Variants in NR3C2 observed in about 807,000 individuals in gnomAD.
The protein encoded by NR3C2 is nuclear receptor subfamily 3 group C member 2.
NR3C2 carries 15 observed loss-of-function variants against 86.4 expected under a neutral mutation model. That is an observed-to-expected ratio of 0.17 (90% confidence interval 0.12 to 0.27). NR3C2 has a LOEUF of 0.27. NR3C2 is among the 10% of genes least tolerant of loss of function. The probability of loss-of-function intolerance (pLI) is 1.00; values close to 1 mark genes in which losing one functional copy is unlikely to be tolerated. For synonymous variants in NR3C2, 458 were observed against 450.5 expected, an observed-to-expected ratio of 1.02 and a Z score of -0.21; for missense variants, 960 against 1,195.6, an observed-to-expected ratio of 0.80 and a Z score of 2.91.
intron 2 of NR3C2, among the ~76,000 whole-genome samples, chr4:148,355,182 T>C (rs1745490940): frequency 6.6e-6 from 1 of 152,152 alleles, no homozygotes; most frequent in African/African-American, 2.4e-5. Context: ...CAGAATGATA[T>C]CTACTTATAC....
chr4:148,309,534 A>G (rs1232032015), intron 2 of NR3C2, among the ~76,000 whole-genome samples: 2 of 152,008 alleles, frequency 1.3e-5, no homozygotes, highest in East Asian at 1.9e-4. Flanking sequence ...ACACACATGC[A>G]CATGGATAAA....
At chr4:148,154,991 T>C (rs532302635) in intron 4 of NR3C2, 90 bp from the exon 5 acceptor site, 5 of 1,021,368 alleles carry the variant, frequency 4.9e-6, no homozygotes, top group Admixed American at 2.0e-5. Flanking sequence ...TTCCTCTAAA[T>C]AGATCTTGTT....
chr4:148,434,055 A>T (rs1163228009), intron 2 of NR3C2, among the ~76,000 whole-genome samples: 1 of 152,228 alleles, frequency 6.6e-6, no homozygotes, highest in Non-Finnish European at 1.5e-5. Flanking sequence ...AGAAAGCCAC[A>T]GCAATACATG....
rs1445319087 is a variant in NR3C2 at position 148,330,732 on chromosome 4, T to C, written c.1758-70615A>G. On this transcript the variant is annotated intron_variant, in intron 2 of 8. Coordinates refer to ENST00000358102, the MANE Select transcript of NR3C2 (RefSeq NM_000901.5). ...TATCTGTCCCCTCCAAATCTTGTGT[T>C]GAAATGTAATCCCCAGTGCTGGAGT... 3.9e-5 allele frequency among the ~76,000 whole-genome samples: 6 copies of C among 152,308 alleles called. No individual in the cohort carries two copies. In the East Asian group the frequency reaches 1.2e-3, roughly 29 times the overall value.
intron 2 of NR3C2, among the ~76,000 whole-genome samples, chr4:148,323,674 C>G (rs563865240): frequency 2.0e-5 from 3 of 152,102 alleles, no homozygotes; most frequent in African/African-American, 4.8e-5. Context: ...TTCTTTGACT[C>G]GGAAAGGGAA....
chr4:148,425,334 A>C (rs1212964965), intron 2 of NR3C2, among the ~76,000 whole-genome samples: 1 of 152,232 alleles, frequency 6.6e-6, no homozygotes, highest in Non-Finnish European at 1.5e-5. Context: ...AAGTAAAGAA[A>C]GATCATTCTG....
At chr4:148,390,691 G>T (rs1251762580) in intron 2 of NR3C2, among the ~76,000 whole-genome samples, 2 of 152,144 alleles carry the variant, frequency 1.3e-5, no homozygotes, top group Non-Finnish European at 2.9e-5. Context: ...CGGTTGATTT[G>T]TTGCATAAAA....
At chr4:148,141,017 G>A (rs1005799865) in intron 6 of NR3C2, among the ~76,000 whole-genome samples, 1 of 152,134 alleles carries the variant, frequency 6.6e-6, no homozygotes, top group African/African-American at 2.4e-5. Flanking sequence ...TTTTCATTAA[G>A]CTTACATGTT....
intron 2 of NR3C2, among the ~76,000 whole-genome samples, chr4:148,337,670 C>T (rs1744559889): frequency 6.6e-6 from 1 of 152,104 alleles, no homozygotes; most frequent in South Asian, 2.1e-4. Flanking sequence ...GTTTGGCTAT[C>T]TTTTAACAAC....
At chr4:148,431,977 T>TAA (rs1749819874) in intron 2 of NR3C2, among the ~76,000 whole-genome samples, 1 of 152,042 alleles carries the variant, frequency 6.6e-6, no homozygotes, top group Non-Finnish European at 1.5e-5. Flanking sequence ...AAATTAAAAC[T>TAA]AAAATTAAAT....
upstream of NR3C2, chr4:148,444,016 CAGGA>C: frequency 1.0e-6 from 1 of 985,406 alleles, no homozygotes; most frequent in Non-Finnish European, 1.2e-6. Flanking sequence ...TCCCCGCAGC[CAGGA>C]GTCCCCGCCG....
chr4:148,341,802 G>A (rs761731203), intron 2 of NR3C2, among the ~76,000 whole-genome samples: 3 of 151,998 alleles, frequency 2.0e-5, no homozygotes, highest in Non-Finnish European at 4.4e-5. Flanking sequence ...TAAACACCTT[G>A]CATTATATAC....
In NR3C2 at chr4:148,123,249, G is replaced by A. The variant is rs901498108; in HGVS notation, c.2511-2961C>T. 5.3e-5 allele frequency among the ~76,000 whole-genome samples: 8 copies of A among 152,234 alleles called. No homozygotes were observed. In the South Asian group the frequency reaches 1.0e-3, roughly 20 times the overall value. On this transcript the variant is annotated intron_variant, in intron 6 of 8. Coordinates refer to ENST00000358102, the MANE Select transcript of NR3C2 (RefSeq NM_000901.5). ...GCCCTGGTAAATTTGTGGTCAAACC[G>A]GTTCTCTGCTCTCAAACCTTGTTTT...
chr4:148,236,664 G>A (rs1980278), intron 3 of NR3C2, among the ~76,000 whole-genome samples: 140,127 of 152,180 alleles, frequency 0.92, 65,612 homozygotes, highest in East Asian at 1. Flanking sequence ...TTGGGAAATT[G>A]TATCTAGCTG....
intron 3 of NR3C2, among the ~76,000 whole-genome samples, chr4:148,232,239 G>T (rs1421642151): frequency 3.9e-5 from 6 of 152,214 alleles, no homozygotes; most frequent in Non-Finnish European, 7.3e-5. Flanking sequence ...ATGCACGGCA[G>T]TGATTGCCTT....
At chr4:148,366,482 AGCACT>A (rs1746149371) in intron 2 of NR3C2, among the ~76,000 whole-genome samples, 2 of 5,016 alleles carry the variant, frequency 4.0e-4, no homozygotes, top group African/African-American at 8.7e-4. Flanking sequence ...AAAAGTACTC[AGCACT>A]TTTAAAAAAG....
At chr4:148,110,624 C>T (rs1360571112) in intron 8 of NR3C2, among the ~76,000 whole-genome samples, 1 of 152,094 alleles carries the variant, frequency 6.6e-6, no homozygotes, top group African/African-American at 2.4e-5. Context: ...TTTCAATGCT[C>T]TGTTTGGAAT....
At chr4:148,420,198 C>T (rs190771468) in intron 2 of NR3C2, among the ~76,000 whole-genome samples, 107 of 152,228 alleles carry the variant, frequency 7.0e-4, no homozygotes, top group Non-Finnish European at 1.2e-3. Flanking sequence ...CCCAGAGTGA[C>T]GCTGGCCAGA....
chr4:148,113,817 G>A (rs1732150638), intron 8 of NR3C2, among the ~76,000 whole-genome samples: 1 of 152,172 alleles, frequency 6.6e-6, no homozygotes, highest in South Asian at 2.1e-4. Context: ...GTTACATGGA[G>A]GTTGCTAGGC....
Sources: gnomAD v4.1 joint callset for allele counts (sites outside exome capture counted in the v4.1 genomes callset) on GRCh38, gnomAD v4.1.1 for gene constraint, MANE v1.5 for transcripts, NCBI Gene and HGNC (gene_info 2026-07-23, HGNC 2026-07-21) for gene names.